The following TGM6 variants were observed in gnomAD, a reference collection of about 807,000 sequenced individuals.
The protein encoded by TGM6 is transglutaminase 6, also known as protein-glutamine gamma-glutamyltransferase 6.
A neutral mutation model predicts 77.5 loss-of-function variants in TGM6; 74 were observed. The ratio of observed to expected loss-of-function variants is 0.96; its 90% CI spans 0.79 to 1.16. The LOEUF is 1.16. Ranked by LOEUF, TGM6 falls within the 50% of genes most tolerant of loss-of-function variation. The pLI is 0.00. For missense variants in TGM6, 968 were observed against 940.2 expected, an observed-to-expected ratio of 1.03 and a Z score of -0.39; for synonymous variants, 383 against 378.9, an observed-to-expected ratio of 1.01 and a Z score of -0.12.
At chr20:2,383,366 G>A (rs1385351008) in intron 1 of TGM6, among the ~76,000 whole-genome samples, 2 of 152,160 alleles carry the variant, frequency 1.3e-5, no homozygotes, top group Non-Finnish European at 2.9e-5. Flanking sequence ...GCTAGGCTTG[G>A]GGGTGGGGAT....
intron 1 of TGM6, among the ~76,000 whole-genome samples, chr20:2,381,486 T>C (rs1298151190): frequency 1.3e-5 from 2 of 152,208 alleles, no homozygotes; most frequent in Non-Finnish European, 2.9e-5. Context: ...AATTTGCCCT[T>C]GGTACCTCTG....
chr20:2,403,286 GC>G, intron 7 of TGM6, 110 bp from the exon 8 acceptor site: 1 of 1,086,262 alleles, frequency 9.2e-7, no homozygotes, highest in Non-Finnish European at 1.4e-6. Context: ...TTCACAACAT[GC>G]AGCCACAGTT....
chr20:2,406,822 G>T (rs1434623164), intron 9 of TGM6, among the ~76,000 whole-genome samples: 1 of 65,918 alleles, frequency 1.5e-5, no homozygotes, highest in African/African-American at 5.5e-5. Context: ...CAACAAGTGC[G>T]AAACTCCTCA....
At chr20:2,393,788 A>T (rs1052054973) in intron 1 of TGM6, among the ~76,000 whole-genome samples, 2 of 152,072 alleles carry the variant, frequency 1.3e-5, no homozygotes, top group African/African-American at 4.8e-5. Flanking sequence ...CGGCCTCCCA[A>T]AGTGCTAGGA....
In TGM6 at chr20:2,410,584, G is replaced by A. The variant is rs376154964; in HGVS notation, c.1337-6648G>A. 7.9e-5 allele frequency among the ~76,000 whole-genome samples: 12 copies of A among 152,262 alleles called. No individual in the cohort carries two copies. In the East Asian group the frequency reaches 1.7e-3, roughly 22 times the overall value. On this transcript the variant is annotated intron_variant, in intron 9 of 12. Coordinates refer to ENST00000202625, the MANE Select transcript of TGM6 (RefSeq NM_198994.3). ...GTTGGACAGAAGTGTGAGTAACCCCGAGTAACCAACACTTGTGACTGGAGT... is the reference window on the plus strand; with the variant it reads ...GTTGGACAGAAGTGTGAGTAACCCCAAGTAACCAACACTTGTGACTGGAGT...
intron 9 of TGM6, among the ~76,000 whole-genome samples, chr20:2,409,919 C>T (rs1412358238): frequency 6.6e-6 from 1 of 152,080 alleles, no homozygotes; most frequent in Non-Finnish European, 1.5e-5. Context: ...AATCAAATTA[C>T]TAAAATTAGA....
intron 5 of TGM6, among the ~76,000 whole-genome samples, chr20:2,398,991 AGCAGAGCATCACAGCCCTGAG>A (rs2084687177): frequency 6.6e-6 from 1 of 152,278 alleles, no homozygotes; most frequent in South Asian, 2.1e-4. Context: ...AATCCCAAAC[AGCAGAGCATCACAGCCCTGAG>A]GACAGTGAAA....
rs570526759 is a variant in TGM6 at position 2,421,926 on chromosome 20, G to A, written c.1678+4353G>A. 3.9e-5 allele frequency among the ~76,000 whole-genome samples: 6 copies of A among 152,292 alleles called. No homozygotes were observed. The South Asian group carries it at 1.2e-3, about 32-fold the overall frequency. On this transcript the variant is annotated intron_variant, in intron 10 of 12. Coordinates refer to ENST00000202625, the MANE Select transcript of TGM6 (RefSeq NM_198994.3). Reference sequence around the variant, plus strand: ...GCAGGTGGATCACTTGAGATCAGGAGTTTGAGACCAGCCTGGTCAACATGG... The same window carrying A: ...GCAGGTGGATCACTTGAGATCAGGAATTTGAGACCAGCCTGGTCAACATGG...
chr20:2,398,742 C>T (rs986511841), intron 5 of TGM6, among the ~76,000 whole-genome samples: 1 of 151,982 alleles, frequency 6.6e-6, no homozygotes, highest in Non-Finnish European at 1.5e-5. Context: ...GGACATAGAC[C>T]CACCTCTCCG....
At chr20:2,399,787 C>A in intron 6 of TGM6, 49 bp downstream of exon 6, 1 of 1,517,894 alleles carries the variant, frequency 6.6e-7, no homozygotes, top group Non-Finnish European at 9.0e-7. Flanking sequence ...CCAGCTTCCT[C>A]TATCTAAATG....
intron 10 of TGM6, among the ~76,000 whole-genome samples, chr20:2,420,158 A>T (rs917588171): frequency 6.6e-5 from 10 of 152,062 alleles, no homozygotes; most frequent in Non-Finnish European, 1.3e-4. Flanking sequence ...GGCAGGAGAA[A>T]GGCGTGAACC....
intron 9 of TGM6, among the ~76,000 whole-genome samples, chr20:2,407,482 G>C (rs1481499894): frequency 1.3e-5 from 2 of 152,152 alleles, no homozygotes; most frequent in Non-Finnish European, 2.9e-5. Context: ...AGCTGGGCGT[G>C]GTGGTGGTTG....
chr20:2,397,128 C>T (rs1288572722), intron 4 of TGM6, among the ~76,000 whole-genome samples: 2 of 152,188 alleles, frequency 1.3e-5, no homozygotes, highest in African/African-American at 4.8e-5. Flanking sequence ...GGGATGGAAG[C>T]AAAGGGAGTC....
intron 10 of TGM6, among the ~76,000 whole-genome samples, chr20:2,423,984 T>A (rs1269118453): frequency 6.6e-6 from 1 of 152,196 alleles, no homozygotes; most frequent in Non-Finnish European, 1.5e-5. Flanking sequence ...GATCAGTAGG[T>A]CTCAACAGTT....
At chr20:2,423,200 A>G (rs1193924775) in intron 10 of TGM6, among the ~76,000 whole-genome samples, 1 of 151,984 alleles carries the variant, frequency 6.6e-6, no homozygotes, top group Non-Finnish European at 1.5e-5. Context: ...AATTTCTTAA[A>G]ATAAGACAAC....
intron 1 of TGM6, among the ~76,000 whole-genome samples, chr20:2,391,380 C>T (rs997120803): frequency 1.3e-5 from 2 of 152,040 alleles, no homozygotes; most frequent in Non-Finnish European, 2.9e-5. Context: ...TCACAGGCAC[C>T]CCAACCAGGA....
chr20:2,382,126 GA>G (rs146229786), intron 1 of TGM6, among the ~76,000 whole-genome samples: 3,641 of 152,270 alleles, frequency 0.024, 156 homozygotes, highest in African/African-American at 0.083. Flanking sequence ...ACAGTTTTAT[GA>G]ATCAAATATT....
intron 10 of TGM6, among the ~76,000 whole-genome samples, chr20:2,421,220 C>G (rs554557832): frequency 1.3e-5 from 2 of 152,140 alleles, no homozygotes; most frequent in African/African-American, 4.8e-5. Flanking sequence ...CTCCTGACCT[C>G]GTGATCCACC....
At chr20:2,411,607 T>G (rs1568664613) in intron 9 of TGM6, among the ~76,000 whole-genome samples, 2 of 152,202 alleles carry the variant, frequency 1.3e-5, no homozygotes, top group Non-Finnish European at 2.9e-5. Context: ...ATGTCCTTTT[T>G]TGTCATGTTG....
Sources: allele counts gnomAD v4.1 joint callset (sites outside exome capture counted in the v4.1 genomes callset), GRCh38; gene constraint gnomAD v4.1.1; transcripts MANE v1.5; gene names NCBI Gene and HGNC (gene_info 2026-07-23, HGNC 2026-07-21).